YEATS4: variants seen among roughly 807,000 people sequenced by gnomAD.
The protein encoded by YEATS4 is YEATS domain-containing protein 4.
A neutral mutation model predicts 30.1 loss-of-function variants in YEATS4; 17 were observed. The observed-to-expected ratio is 0.56, with a 90% CI of 0.39 to 0.85. YEATS4 has a LOEUF of 0.85. YEATS4 is among the 40% of genes least tolerant of loss of function. The pLI is 0.00. For synonymous variants in YEATS4, 85 were observed against 87.5 expected (o/e 0.97, Z 0.16); for missense variants, 142 against 268.3 (o/e 0.53, Z 3.29).
chr12:69,404,206 C>T, the YEATS4 span, among the ~76,000 whole-genome samples: 1 of 152,182 alleles, frequency 6.6e-6, no homozygotes, highest in South Asian at 2.1e-4. Context: ...GCAGGCACCT[C>T]AATTGAGCAT....
the YEATS4 span, among the ~76,000 whole-genome samples, chr12:69,405,721 TG>T: frequency 6.6e-6 from 1 of 152,094 alleles, no homozygotes; most frequent in Admixed American, 6.6e-5. Context: ...CAGGATGGAG[TG>T]GAACTGCAAG....
At chr12:69,367,150 A>C (rs1331006760) in intron 4 of YEATS4, among the ~76,000 whole-genome samples, 1 of 152,214 alleles carries the variant, frequency 6.6e-6, no homozygotes, top group Non-Finnish European at 1.5e-5. Context: ...ATCCTATTCA[A>C]GGTTGGGGTA....
chr12:69,413,510 G>GCCCCCCC, the YEATS4 span, among the ~76,000 whole-genome samples: 2 of 130,930 alleles, frequency 1.5e-5, no homozygotes, highest in African/African-American at 5.7e-5. Context: ...GGTCTTCAAC[G>GCCCCCCC]CCCCCCCCAT....
At chr12:69,423,519 C>T in the YEATS4 span, among the ~76,000 whole-genome samples, 28 of 152,324 alleles carry the variant, frequency 1.8e-4, no homozygotes, top group African/African-American at 4.1e-4. Flanking sequence ...ATACAAAGCA[C>T]TAGAAGGAGC....
chr12:69,369,603 A>C lies in YEATS4; in HGVS notation c.334-1103A>C, dbSNP rs147158697. Reference sequence around the variant, plus strand: ...TCACACCTCTTAGGCAGTTTTCTTAAGTTTTCAGGTTGTGGTTTTTCTCTG... The same window carrying C: ...TCACACCTCTTAGGCAGTTTTCTTACGTTTTCAGGTTGTGGTTTTTCTCTG... On this transcript the variant is annotated intron_variant, in intron 4 of 6. Coordinates refer to ENST00000247843, the MANE Select transcript of YEATS4 (RefSeq NM_006530.4). 2.2e-3 allele frequency among the ~76,000 whole-genome samples: 341 copies of C among 152,206 alleles called. 7 individuals are homozygous for C. The East Asian group carries it at 0.056, about 25-fold the overall frequency.
the YEATS4 span, among the ~76,000 whole-genome samples, chr12:69,414,845 TG>T: frequency 6.6e-6 from 1 of 152,200 alleles, no homozygotes; most frequent in South Asian, 2.1e-4. Context: ...TCAGTGGCAC[TG>T]GGAATGAATT....
intron 6 of YEATS4, among the ~76,000 whole-genome samples, chr12:69,373,524 A>G (rs1292919679): frequency 6.6e-6 from 1 of 152,206 alleles, no homozygotes; most frequent in Non-Finnish European, 1.5e-5. Flanking sequence ...TATTCTGATT[A>G]TTAATTCTTT....
the YEATS4 span, among the ~76,000 whole-genome samples, chr12:69,405,947 T>C: frequency 6.6e-6 from 1 of 152,220 alleles, no homozygotes; most frequent in African/African-American, 2.4e-5. Context: ...TTGACTGAGG[T>C]AGCTAACTTT....
the YEATS4 span, among the ~76,000 whole-genome samples, chr12:69,426,333 C>G: frequency 6.6e-6 from 1 of 152,228 alleles, no homozygotes; most frequent in East Asian, 1.9e-4. Flanking sequence ...GACTCAGAAT[C>G]CATTTTCTTG....
the YEATS4 span, among the ~76,000 whole-genome samples, chr12:69,407,099 G>GCCA: frequency 5.5e-3 from 824 of 150,242 alleles, 5 homozygotes; most frequent in African/African-American, 0.019. Context: ...ACAGGTGTAA[G>GCCA]CCACCACACC....
rs1875108403 is a variant in YEATS4, at chr12:69,359,841, T to C, written c.-132T>C. On this transcript the variant is annotated 5_prime_UTR_variant, in exon 1 of 7. Coordinates refer to ENST00000247843, the MANE Select transcript of YEATS4 (RefSeq NM_006530.4). ...GGTTACTCACCGCCGTGAGCCCAAG[T>C]AACTCGCCCTCCTTCGGCTAGAAAC... 9.2e-7 allele frequency: 1 copy of C among 1,088,032 alleles called. No homozygotes were observed. Among genetic ancestry groups the C allele is most frequent in the Non-Finnish European group, 1.3e-6 (1 of 759,776 alleles). 67.4% of individuals were successfully genotyped at this position (1,088,032 alleles called of 1,614,324 possible). A position where few individuals can be genotyped will look rare whatever the true frequency, so the allele number is the denominator to read the frequency against.
chr12:69,397,598 A>G, the YEATS4 span, among the ~76,000 whole-genome samples: 1 of 152,328 alleles, frequency 6.6e-6, no homozygotes, highest in South Asian at 2.1e-4. Context: ...ACCTTCCACC[A>G]TGATGTGAGG....
intron 6 of YEATS4, among the ~76,000 whole-genome samples, chr12:69,375,888 C>T (rs1018927084): frequency 7.3e-5 from 11 of 151,618 alleles, no homozygotes; most frequent in South Asian, 4.2e-4. Context: ...AGAGGGAGAC[C>T]GCGCAGAGAG....
At chr12:69,397,115 A>G in the YEATS4 span, among the ~76,000 whole-genome samples, 3 of 152,204 alleles carry the variant, frequency 2.0e-5, no homozygotes, top group African/African-American at 7.2e-5. Flanking sequence ...CAAATCCAGC[A>G]ACATAAAAAG....
intron 6 of YEATS4, among the ~76,000 whole-genome samples, chr12:69,389,508 G>A (rs1056512793): frequency 6.8e-5 from 10 of 147,828 alleles, no homozygotes; most frequent in African/African-American, 1.3e-4. Flanking sequence ...TGTAGTTAAC[G>A]CTTCCCCCCC....
the YEATS4 span, among the ~76,000 whole-genome samples, chr12:69,424,666 T>G: frequency 1.3e-5 from 2 of 152,134 alleles, no homozygotes; most frequent in Non-Finnish European, 2.9e-5. Flanking sequence ...TCACGAGATC[T>G]GATGGCTTTA....
chr12:69,376,051 T>G (rs750481823), intron 6 of YEATS4, among the ~76,000 whole-genome samples: 11 of 152,078 alleles, frequency 7.2e-5, no homozygotes, highest in Non-Finnish European at 1.3e-4. Flanking sequence ...TTTGGTGGAG[T>G]CTTTAGGTTT....
the YEATS4 span, among the ~76,000 whole-genome samples, chr12:69,400,376 CAA>C: frequency 6.6e-6 from 1 of 151,262 alleles, no homozygotes; most frequent in Non-Finnish European, 1.5e-5. Flanking sequence ...TAATAATACT[CAA>C]TAAAATAGAA....
At position 69,362,907 on chromosome 12, in the gene YEATS4, G is replaced by A; in HGVS notation, c.171G>A (p.Glu57=). 6.5e-7 allele frequency: 1 copy of A among 1,544,398 alleles called. No individual in the cohort carries two copies. The highest frequency in any genetic ancestry group is 8.7e-7 in the Non-Finnish European group (1 of 1,145,932). The change falls in exon 2 of 7, where the codon GAG becomes GAA. Residue 57 remains glutamate, a splice_region_variant and synonymous_variant. Coordinates refer to ENST00000247843, the MANE Select transcript of YEATS4 (RefSeq NM_006530.4). ...TATATGTGAAACCATATAGAAATGA[G>A]GTAGGCACTCGTTTTTTCTGTAACT... The part of the protein sequence containing the change: ...WTVYVKPYRN[E]DMSAYVKKIQ...
Sources: gnomAD v4.1 joint callset for allele counts (sites outside exome capture counted in the v4.1 genomes callset) on GRCh38, gnomAD v4.1.1 for gene constraint, MANE v1.5 for transcripts, NCBI Gene and HGNC (gene_info 2026-07-23, HGNC 2026-07-21) for gene names.